IGSF21: variants seen among roughly 807,000 people sequenced by gnomAD.
IGSF21 encodes immunoglobin superfamily member 21, also known as immunoglobulin superfamily member 21.
IGSF21 carries 28 observed loss-of-function variants against 46.8 expected under a neutral mutation model. The ratio of observed to expected loss-of-function variants is 0.60; its 90% CI spans 0.44 to 0.82. IGSF21 has a LOEUF of 0.82. Among genes scored for constraint, IGSF21 ranks in the 40% least tolerant of loss-of-function variants. The probability of loss-of-function intolerance (pLI) is 0.00; values close to 1 mark genes in which losing one functional copy is unlikely to be tolerated. For missense variants in IGSF21, 624 were observed against 665.5 expected (o/e 0.94, Z 0.69); for synonymous variants, 284 against 273.6 (o/e 1.04, Z -0.38).
In IGSF21 at chr1:18,335,089, T is replaced by C. The variant is rs536540; in HGVS notation, c.424+79T>C. On this transcript the variant is annotated intron_variant, in intron 4 of 9. Transcript: ENST00000251296. This position sits in a 1 kb window ranked among gnomAD's most constrained non-coding sequence, Gnocchi z 4.8. ...TGAGTGTGTGAATGTGCGCACAGAG[T>C]GGCCATCCTGGGGGCCATCCACCAG... is the stretch of plus-strand genomic sequence containing the variant. 0.2 allele frequency: 218,307 copies of C among 1,113,932 alleles called. 30,955 individuals are homozygous for C. Among genetic ancestry groups the C allele is most frequent in the African/African-American group, 0.68 (44,560 of 65,866 alleles). The allele number at this position is 1,113,932 out of a possible 1,614,324, so 69.0% of individuals were successfully genotyped here.
At chr1:18,355,829 CTTTTTTTTTTTT>C (rs61589417) in intron 4 of IGSF21, among the ~76,000 whole-genome samples, 1 of 88,988 alleles carries the variant, frequency 1.1e-5, no homozygotes, top group East Asian at 3.3e-4. Flanking sequence ...TGTCTAGACT[CTTTTTTTTTTTT>C]TTTTTTTTTT....
intron 3 of IGSF21, among the ~76,000 whole-genome samples, chr1:18,308,481 A>G (rs1284775653): frequency 6.6e-6 from 1 of 152,182 alleles, no homozygotes; most frequent in African/African-American, 2.4e-5. Flanking sequence ...TTTGCAGAGC[A>G]CCTGTACGGT....
chr1:18,348,925 C>A (rs190375175), intron 4 of IGSF21, among the ~76,000 whole-genome samples: 6 of 152,294 alleles, frequency 3.9e-5, no homozygotes, highest in Admixed American at 3.9e-4. Flanking sequence ...GCTCCCAAGC[C>A]AAGCAATCTG....
intron 4 of IGSF21, among the ~76,000 whole-genome samples, chr1:18,352,508 C>G (rs1397159152): frequency 1.3e-5 from 2 of 152,152 alleles, no homozygotes; most frequent in Non-Finnish European, 2.9e-5. Flanking sequence ...AGGGAACACA[C>G]TTGGAGAACC....
chr1:18,278,903 T>A, intron 2 of IGSF21: 1 of 471,340 alleles, frequency 2.1e-6, no homozygotes, highest in South Asian at 1.6e-5. Flanking sequence ...TATATGGGTG[T>A]TTGCCTTAAA....
intron 1 of IGSF21, among the ~76,000 whole-genome samples, chr1:18,142,200 G>T (rs148535065): frequency 1.1e-4 from 16 of 152,248 alleles, no homozygotes; most frequent in African/African-American, 3.6e-4. Flanking sequence ...CTAGCAATCC[G>T]TATCAGGACA....
chr1:18,332,508 T>C (rs2085723887), intron 3 of IGSF21, among the ~76,000 whole-genome samples: 1 of 152,128 alleles, frequency 6.6e-6, no homozygotes, highest in African/African-American at 2.4e-5. Flanking sequence ...CTTTTTTTTT[T>C]TTTTATCTAA....
intron 1 of IGSF21, among the ~76,000 whole-genome samples, chr1:18,222,750 G>C (rs74997596): frequency 6.6e-6 from 1 of 152,168 alleles, no homozygotes; most frequent in East Asian, 1.9e-4. Context: ...AAAAGAATCC[G>C]TGCAGGGTAT....
chr1:18,349,697 C>T (rs1323320634), intron 4 of IGSF21, among the ~76,000 whole-genome samples: 1 of 152,122 alleles, frequency 6.6e-6, no homozygotes, highest in Non-Finnish European at 1.5e-5. Context: ...AGGTGTGGGT[C>T]TACATACTTT....
At chr1:18,274,975 C>T (rs756415814) in intron 2 of IGSF21, among the ~76,000 whole-genome samples, 7 of 152,018 alleles carry the variant, frequency 4.6e-5, no homozygotes, top group Non-Finnish European at 7.4e-5. Context: ...TGTAGTAAGC[C>T]GAAATCGCGC....
At chr1:18,132,580 C>T (rs1218437447) in intron 1 of IGSF21, among the ~76,000 whole-genome samples, 1 of 152,148 alleles carries the variant, frequency 6.6e-6, no homozygotes, top group Admixed American at 6.5e-5. Context: ...AGAGATTTAC[C>T]CCATGATTGC....
chr1:18,375,296 G>A (rs1489200006), intron 6 of IGSF21, among the ~76,000 whole-genome samples: 1 of 152,198 alleles, frequency 6.6e-6, no homozygotes, highest in East Asian at 1.9e-4. Flanking sequence ...CATAATTACT[G>A]TTGAGTGAGT....
At chr1:18,327,302 A>G (rs2085667089) in intron 3 of IGSF21, among the ~76,000 whole-genome samples, 1 of 152,202 alleles carries the variant, frequency 6.6e-6, no homozygotes, top group African/African-American at 2.4e-5. Context: ...ACAAAAACTC[A>G]TGAAAAACCA....
At chr1:18,205,100 G>A (rs2087112546) in intron 1 of IGSF21, among the ~76,000 whole-genome samples, 1 of 151,614 alleles carries the variant, frequency 6.6e-6, no homozygotes, top group Non-Finnish European at 1.5e-5. Context: ...AAAGTTGATG[G>A]GGAGAGAGAG....
intron 1 of IGSF21, among the ~76,000 whole-genome samples, chr1:18,119,961 G>A (rs2086219906): frequency 6.6e-6 from 1 of 152,134 alleles, no homozygotes; most frequent in Non-Finnish European, 1.5e-5. Context: ...CTGTGAAGGT[G>A]GTGGATGTGA....
chr1:18,308,918 G>A (rs765635923), intron 3 of IGSF21, among the ~76,000 whole-genome samples: 31 of 152,124 alleles, frequency 2.0e-4, no homozygotes, highest in Non-Finnish European at 3.8e-4. Context: ...GCCCAGGCCA[G>A]GGCACTCACA....
At chr1:18,376,467 T>C in intron 7 of IGSF21, 72 bp downstream of exon 7, 2 of 1,081,122 alleles carry the variant, frequency 1.8e-6, no homozygotes, top group Admixed American at 3.4e-5. Flanking sequence ...CCAGCATTCC[T>C]GGCAGTCCTC....
At chr1:18,118,006 G>A (rs1027784196) in intron 1 of IGSF21, among the ~76,000 whole-genome samples, 5 of 152,206 alleles carry the variant, frequency 3.3e-5, no homozygotes, top group African/African-American at 4.8e-5. Flanking sequence ...CCTGGCATGG[G>A]GAAGCCTCTG....
At chr1:18,349,558 G>A (rs1162244840) in intron 4 of IGSF21, among the ~76,000 whole-genome samples, 1 of 152,114 alleles carries the variant, frequency 6.6e-6, no homozygotes, top group Admixed American at 6.5e-5. Context: ...ATGGCAAGAG[G>A]GGGCACCCCT....
Sources: allele counts gnomAD v4.1 joint callset (sites outside exome capture counted in the v4.1 genomes callset), GRCh38; gene constraint gnomAD v4.1.1; non-coding constraint Gnocchi (gnomAD v3.1); transcripts MANE v1.5; gene names NCBI Gene and HGNC (gene_info 2026-07-23, HGNC 2026-07-21).